Variants in IGSF5 observed in about 807,000 individuals in gnomAD.
The protein encoded by IGSF5 is immunoglobulin superfamily member 5, also known as immunoglobulin superfamily 5 like.
In IGSF5, 41 loss-of-function variants were observed where a neutral mutation model predicts 39.4. That is an observed-to-expected ratio of 1.04 (90% CI 0.81 to 1.35). The LOEUF (loss-of-function observed/expected upper bound fraction) is 1.35, where lower values mean the gene tolerates loss of function less well. Ranked by LOEUF, IGSF5 falls within the 40% of genes most tolerant of loss-of-function variation. IGSF5 has a pLI of 0.00. For synonymous variants in IGSF5, 183 were observed against 175.3 expected (o/e 1.04, Z -0.34); for missense variants, 487 against 494.6 (o/e 0.98, Z 0.15).
At chr21:39,714,272 CA>C in the IGSF5 span, among the ~76,000 whole-genome samples, 1 of 152,216 alleles carries the variant, frequency 6.6e-6, no homozygotes, top group South Asian at 2.1e-4. Flanking sequence ...GGCTTGGAAG[CA>C]GCCTGATTAG....
At chr21:39,785,121 A>G (rs2080192652) in intron 5 of IGSF5, among the ~76,000 whole-genome samples, 1 of 151,868 alleles carries the variant, frequency 6.6e-6, no homozygotes, top group Non-Finnish European at 1.5e-5. Context: ...TACATGTGCC[A>G]TGTTGGTGTG....
At chr21:39,730,056 G>A in the IGSF5 span, 1 of 152,294 alleles carries the variant, frequency 6.6e-6, no homozygotes, top group South Asian at 2.1e-4. Context: ...TTTGCTCACG[G>A]TTCCAGAAGC....
chr21:39,742,486 T>C (rs1417801988), upstream of IGSF5, among the ~76,000 whole-genome samples: 2 of 152,218 alleles, frequency 1.3e-5, no homozygotes, highest in African/African-American at 4.8e-5. Flanking sequence ...GTGAGGGTGA[T>C]GGCATGGGCT....
At chr21:39,790,643 G>A (rs1416826715) in intron 6 of IGSF5, among the ~76,000 whole-genome samples, 1 of 152,168 alleles carries the variant, frequency 6.6e-6, no homozygotes, top group East Asian at 1.9e-4. Context: ...GGGTGACAGA[G>A]TGAGACCTTG....
intron 4 of IGSF5, among the ~76,000 whole-genome samples, chr21:39,774,562 G>T (rs2080130251): frequency 6.6e-6 from 1 of 152,170 alleles, no homozygotes; most frequent in Admixed American, 6.5e-5. Flanking sequence ...CTGTTTTTTA[G>T]AAATTGATTT....
intron 2 of IGSF5, among the ~76,000 whole-genome samples, chr21:39,763,743 A>C (rs1263602038): frequency 1.3e-5 from 2 of 152,196 alleles, no homozygotes; most frequent in Middle Eastern, 3.2e-3. Flanking sequence ...GTGGGAGTGC[A>C]GGAGGAGTGT....
the IGSF5 span, among the ~76,000 whole-genome samples, chr21:39,727,398 C>T: frequency 6.6e-6 from 1 of 152,190 alleles, no homozygotes; most frequent in Non-Finnish European, 1.5e-5. Flanking sequence ...ATGGTTGCTA[C>T]CAGGGGACTG....
At chr21:39,768,302 GA>G (rs1360769330) in intron 3 of IGSF5, among the ~76,000 whole-genome samples, 3 of 152,082 alleles carry the variant, frequency 2.0e-5, no homozygotes, top group African/African-American at 7.2e-5. Flanking sequence ...GAAAAAAGAG[GA>G]AACAACCATG....
At chr21:39,756,391 T>C (rs2080030841) in intron 2 of IGSF5, among the ~76,000 whole-genome samples, 1 of 152,204 alleles carries the variant, frequency 6.6e-6, no homozygotes, top group Non-Finnish European at 1.5e-5. Flanking sequence ...GTTTCAATTC[T>C]TGTATTTTTG....
the IGSF5 span, among the ~76,000 whole-genome samples, chr21:39,723,364 G>C: frequency 2.0e-5 from 3 of 152,178 alleles, no homozygotes; most frequent in Non-Finnish European, 2.9e-5. Context: ...CCATCCAAGT[G>C]CACCTGCTGA....
rs1388511462 is a variant in IGSF5, at chr21:39,746,361, TAATAGAGTGA to T, written c.100+76_100+85del. 1.5e-5 allele frequency: 10 copies of T among 678,740 alleles called. 1 individual carries two copies. The highest frequency in any genetic ancestry group is 9.4e-5 in the South Asian group (6 of 63,956). 42.0% of individuals were successfully genotyped at this position (678,740 alleles called of 1,614,324 possible). A position where few individuals can be genotyped will look rare whatever the true frequency, so the allele number is the denominator to read the frequency against. ...ACCAGAAGAGTGCAGTTGCAAGATT[TAATAGAGTGA>T]AATAGAGTGAAAACAGAGCTCCCAT... On this transcript the variant is annotated intron_variant, in intron 2 of 8. Transcript: ENST00000380588.
At chr21:39,769,974 A>G (rs2080105978) in intron 3 of IGSF5, among the ~76,000 whole-genome samples, 1 of 152,214 alleles carries the variant, frequency 6.6e-6, no homozygotes, top group African/African-American at 2.4e-5. Flanking sequence ...CTCATTCAGT[A>G]AGTACAACAA....
At chr21:39,721,703 C>CTTCCTTCA in the IGSF5 span, among the ~76,000 whole-genome samples, 1 of 150,876 alleles carries the variant, frequency 6.6e-6, no homozygotes, top group Non-Finnish European at 1.5e-5. Context: ...TCCTTCCTTC[C>CTTCCTTCA]TTCCTTCCTT....
At chr21:39,778,389 C>T (rs1489610078) in intron 4 of IGSF5, among the ~76,000 whole-genome samples, 3 of 152,170 alleles carry the variant, frequency 2.0e-5, no homozygotes, top group East Asian at 3.9e-4. Context: ...TTCCTCTCTC[C>T]TTCTCTCCCT....
chr21:39,784,970 C>CT lies in IGSF5; in HGVS notation c.935-3184dup, dbSNP rs59416564. On this transcript the variant is annotated intron_variant, in intron 5 of 8. Transcript: ENST00000380588. ...TTCTAGAGGGTCCCCAGGCTCCTTT[C>CT]TTTTTTTTTTTTTCCTTTAACTTAT... is the stretch of plus-strand genomic sequence containing the variant. Among the ~76,000 whole-genome samples the CT allele has an allele frequency of 3.7e-3, 517 of 138,834 alleles. 3 individuals carry two copies. The highest frequency in any genetic ancestry group is 9.2e-3 in the African/African-American group (351 of 38,250). 91.1% of individuals were successfully genotyped at this position (138,834 alleles called of 152,430 possible). A position where few individuals can be genotyped will look rare whatever the true frequency, so the allele number is the denominator to read the frequency against.
rs140315143 is a variant in IGSF5, at chr21:39,755,631, T to A, written c.100+9333T>A. Reference sequence around the variant, plus strand: ...AGTAAATGATTTATTTGACACTTCATAATTCTGGATTTTGGATCAATCTGG... The same window carrying A: ...AGTAAATGATTTATTTGACACTTCAAAATTCTGGATTTTGGATCAATCTGG... On this transcript the variant is annotated intron_variant, in intron 2 of 8. Coordinates refer to ENST00000380588, the MANE Select transcript of IGSF5 (RefSeq NM_001080444.2). 9.5e-3 allele frequency among the ~76,000 whole-genome samples: 1,440 copies of A among 151,672 alleles called. 23 individuals carry two copies. Among genetic ancestry groups the A allele is most frequent in the African/African-American group, 0.033 (1,359 of 41,246 alleles).
At chr21:39,721,673 C>CCCTTCCTTCCTTCCTTCCTT in the IGSF5 span, among the ~76,000 whole-genome samples, 17 of 140,822 alleles carry the variant, frequency 1.2e-4, 1 homozygote, top group East Asian at 4.2e-4. Flanking sequence ...GGCCATCTGT[C>CCCTTCCTTCCTTCCTTCCTT]CCTTCCTTCC....
chr21:39,727,816 C>T, the IGSF5 span: 1 of 152,260 alleles, frequency 6.6e-6, no homozygotes, highest in Non-Finnish European at 1.5e-5. Context: ...AGCCTAACCT[C>T]TAATTTCAGC....
In IGSF5 at chr21:39,801,344, C is replaced by T; in HGVS notation, c.1211C>T (p.Thr404Ile). 6.2e-7 allele frequency: 1 copy of T among 1,612,840 alleles called. No individual in the cohort carries two copies. Among genetic ancestry groups the T allele is most frequent in the Non-Finnish European group, 8.5e-7 (1 of 1,178,864 alleles). ...GCCAGTCCTGAGAAGGTCAGTAATA[C>T]AACTGTAGTATAGCAAAGCCTTCCC... ...NLASPEKVSN[T>I]TVV Residue 404 changes from threonine to isoleucine, a missense_variant, in exon 9 of 9, where the codon ACA (threonine) becomes ATA (isoleucine). Transcript: ENST00000380588.
Sources: allele counts gnomAD v4.1 joint callset (sites outside exome capture counted in the v4.1 genomes callset), GRCh38; gene constraint gnomAD v4.1.1; transcripts MANE v1.5; gene names NCBI Gene and HGNC (gene_info 2026-07-23, HGNC 2026-07-21).